Variants in WDFY4 observed in about 807,000 individuals in gnomAD.
WDFY4 encodes WDFY family member 4.
Under a neutral mutation model 351.9 loss-of-function variants are expected in WDFY4, and 169 were observed. The observed-to-expected ratio is 0.48, with a 90% CI of 0.42 to 0.55. The LOEUF is 0.55. Among genes scored for constraint, WDFY4 ranks in the 20% least tolerant of loss-of-function variants. The pLI is 0.00. For missense variants in WDFY4, 3,803 were observed against 3,935.6 expected (o/e 0.97, Z 0.90); for synonymous variants, 1,622 against 1,574.6 (o/e 1.03, Z -0.71).
chr10:48,695,480 C>T (rs999223333), intron 1 of WDFY4, among the ~76,000 whole-genome samples: 1 of 152,192 alleles, frequency 6.6e-6, no homozygotes, highest in African/African-American at 2.4e-5. Context: ...TGCTTGTCAG[C>T]TGTTTGATTT....
chr10:48,723,185 T>C (rs1186488698), intron 4 of WDFY4, among the ~76,000 whole-genome samples: 1 of 141,770 alleles, frequency 7.1e-6, no homozygotes, highest in African/African-American at 2.6e-5. Flanking sequence ...CTCCCTCCCT[T>C]CCTTCCTTCC....
At chr10:48,948,558 G>A (rs142020425) in intron 51 of WDFY4, among the ~76,000 whole-genome samples, 191 of 152,292 alleles carry the variant, frequency 1.3e-3, no homozygotes, top group African/African-American at 4.2e-3. Flanking sequence ...ACATCGGGAG[G>A]AGACAGAGTG....
intron 35 of WDFY4, among the ~76,000 whole-genome samples, chr10:48,825,199 G>A (rs898218801): frequency 6.6e-6 from 1 of 152,172 alleles, no homozygotes; most frequent in African/African-American, 2.4e-5. Context: ...CTTTAAGTGA[G>A]AACATGTGGT....
chr10:48,937,910 C>T (rs1163828917), intron 47 of WDFY4, among the ~76,000 whole-genome samples: 2 of 152,118 alleles, frequency 1.3e-5, no homozygotes, highest in Non-Finnish European at 2.9e-5. Flanking sequence ...CAACTCTGTC[C>T]CTGCCACACT....
chr10:48,771,134 T>C (rs1396680005), intron 13 of WDFY4, among the ~76,000 whole-genome samples: 1 of 152,230 alleles, frequency 6.6e-6, no homozygotes, highest in Admixed American at 6.5e-5. Flanking sequence ...GACAGGGGCC[T>C]GGGTGAGCCA....
At chr10:48,853,038 C>T (rs532307739) in intron 39 of WDFY4, among the ~76,000 whole-genome samples, 1 of 152,250 alleles carries the variant, frequency 6.6e-6, no homozygotes, top group East Asian at 1.9e-4. Flanking sequence ...ATTTTCAGAC[C>T]TCATCTCACC....
chr10:48,879,008 T>G (rs780552068), intron 43 of WDFY4, among the ~76,000 whole-genome samples: 1 of 152,232 alleles, frequency 6.6e-6, no homozygotes, highest in South Asian at 2.1e-4. Flanking sequence ...TATGCATAAG[T>G]GTATATTCAT....
intron 47 of WDFY4, among the ~76,000 whole-genome samples, chr10:48,924,032 T>A (rs2133611874): frequency 6.6e-6 from 1 of 152,288 alleles, no homozygotes; most frequent in Non-Finnish European, 1.5e-5. Flanking sequence ...TACAGAGAAC[T>A]CCTCCGTTAA....
intron 10 of WDFY4, among the ~76,000 whole-genome samples, chr10:48,735,592 A>C (rs959814708): frequency 2.0e-5 from 3 of 152,102 alleles, no homozygotes; most frequent in Admixed American, 6.5e-5. Context: ...CCTTTCTTGA[A>C]TGTATCTCCT....
intron 47 of WDFY4, among the ~76,000 whole-genome samples, chr10:48,912,310 C>T (rs977162066): frequency 6.6e-6 from 1 of 152,206 alleles, no homozygotes; most frequent in South Asian, 2.1e-4. Context: ...CATGTGCTGC[C>T]TGTTTTAGAG....
intron 20 of WDFY4, among the ~76,000 whole-genome samples, chr10:48,787,807 C>CTCTTCTTCTTCTTCTTCTTCTTCT (rs1555010319): frequency 6.5e-5 from 5 of 76,742 alleles, no homozygotes; most frequent in Admixed American, 4.1e-4. Context: ...CCTCCTCCTC[C>CTCTTCTTCTTCTTCTTCTTCTTCT]TCTTCTTCTT....
rs920537665 is a variant in WDFY4, at chr10:48,946,912, C to T, written c.7920C>T (p.Ile2640=). The change falls in exon 51 of 62, where the codon ATC becomes ATT. Residue 2640 remains isoleucine, a synonymous_variant. Coordinates refer to ENST00000325239, the MANE Select transcript of WDFY4 (RefSeq NM_001394531.1). The part of the protein sequence containing the change: ...HYYTHYSSAI[I]VASYLVRMPP... ...ACACCCACTACTCCTCGGCCATCATCGTGGCCTCCTACCTGGTCCGGATGC... is the reference window on the plus strand; with the variant it reads ...ACACCCACTACTCCTCGGCCATCATTGTGGCCTCCTACCTGGTCCGGATGC... 2.3e-5 allele frequency: 36 copies of T among 1,551,910 alleles called. No homozygotes were observed. Among genetic ancestry groups the T allele is most frequent in the Non-Finnish European group, 3.1e-5 (35 of 1,147,088 alleles).
intron 39 of WDFY4, among the ~76,000 whole-genome samples, chr10:48,854,927 C>A (rs1246143464): frequency 6.6e-6 from 1 of 152,154 alleles, no homozygotes; most frequent in African/African-American, 2.4e-5. Context: ...AAAGTCTGGG[C>A]TTTTGCCTTA....
At chr10:48,693,444 C>T (rs17011093) in intron 1 of WDFY4, among the ~76,000 whole-genome samples, 1,676 of 152,304 alleles carry the variant, frequency 0.011, 36 homozygotes, top group African/African-American at 0.037. Flanking sequence ...TGACCCCTTT[C>T]TGTTCTATTC....
intron 47 of WDFY4, among the ~76,000 whole-genome samples, chr10:48,910,494 G>A (rs1837899789): frequency 6.6e-6 from 1 of 152,174 alleles, no homozygotes. Context: ...GTATTTTAGA[G>A]CATGAAGGAA....
At chr10:48,804,089 G>T (rs146213891) in intron 25 of WDFY4, among the ~76,000 whole-genome samples, 126 of 152,302 alleles carry the variant, frequency 8.3e-4, no homozygotes, top group African/African-American at 2.9e-3. Context: ...CTGGAAAGTG[G>T]CTTCCCCTCT....
intron 39 of WDFY4, among the ~76,000 whole-genome samples, chr10:48,834,714 C>T (rs2068320798): frequency 6.6e-6 from 1 of 152,214 alleles, no homozygotes; most frequent in Admixed American, 6.5e-5. Context: ...TGGCTGGGAG[C>T]TAGGGAAGGA....
At chr10:48,744,542 G>A (rs2064952713) in intron 12 of WDFY4, among the ~76,000 whole-genome samples, 1 of 152,190 alleles carries the variant, frequency 6.6e-6, no homozygotes, top group Non-Finnish European at 1.5e-5. Flanking sequence ...ATATTCAGGA[G>A]GTTGGCCTTT....
chr10:48,745,810 G>T lies in WDFY4; in HGVS notation c.2459+2262G>T, dbSNP rs12773407. The T allele has an allele frequency of 6.7e-3, 2,511 of 372,282 alleles. 41 individuals carry two copies. The highest frequency in any genetic ancestry group is 0.04 in the Admixed American group (946 of 23,756). The allele number at this position is 372,282 out of a possible 1,614,324, so 23.1% of individuals were successfully genotyped here. A position where few individuals can be genotyped will look rare whatever the true frequency, so the allele number is the denominator to read the frequency against. ...ACCCATCTAGTTTTCCTGCTGTAGGGCGGTGGGATTCCATCGAACACCTCG... is the reference window on the plus strand; with the variant it reads ...ACCCATCTAGTTTTCCTGCTGTAGGTCGGTGGGATTCCATCGAACACCTCG... On this transcript the variant is annotated intron_variant, in intron 12 of 61. Transcript: ENST00000325239.
Sources: allele counts gnomAD v4.1 joint callset (sites outside exome capture counted in the v4.1 genomes callset), GRCh38; gene constraint gnomAD v4.1.1; transcripts MANE v1.5; gene names NCBI Gene and HGNC (gene_info 2026-07-23, HGNC 2026-07-21).